Variants in MRPL22 observed in about 807,000 individuals in gnomAD.
MRPL22 encodes large ribosomal subunit protein uL22m.
Under a neutral mutation model 32.4 loss-of-function variants are expected in MRPL22, and 27 were observed. That is an observed-to-expected ratio of 0.83 (90% confidence interval 0.61 to 1.15). The LOEUF is 1.15. Among genes scored for constraint, MRPL22 ranks in the 50% most tolerant of loss-of-function variants. MRPL22 has a pLI of 0.00. For missense variants in MRPL22, 239 were observed against 260.2 expected, an observed-to-expected ratio of 0.92 and a Z score of 0.56; for synonymous variants, 86 against 87.3, an observed-to-expected ratio of 0.99 and a Z score of 0.08.
intron 3 of MRPL22, among the ~76,000 whole-genome samples, chr5:154,953,051 A>T (rs1396706283): frequency 6.6e-6 from 1 of 152,132 alleles, no homozygotes; most frequent in African/African-American, 2.4e-5. Flanking sequence ...TTTATCTTAT[A>T]TGGGGCTTCA....
chr5:154,954,179 G>A (rs942246776), intron 3 of MRPL22, among the ~76,000 whole-genome samples: 5 of 151,562 alleles, frequency 3.3e-5, no homozygotes, highest in African/African-American at 4.9e-5. Context: ...TAGTAGAGAC[G>A]AGTTTTTGTC....
Position 154,956,446 on chromosome 5 carries a change from A to G in MRPL22, c.261+10A>G, listed in dbSNP as rs554614548. The G allele has an allele frequency of 1.1e-5, 18 of 1,570,546 alleles. No homozygotes were observed. In the Admixed American group the frequency reaches 1.8e-4, roughly 16 times the overall value. On this transcript the variant is annotated intron_variant, in intron 4 of 6. Transcript: ENST00000523037. ...GTATTTGGCAAAATTGGTAAGCTGC[A>G]ATGACTATTACCATATAATTAATAA...
At position 154,941,265 on chromosome 5, in the gene MRPL22, G is replaced by T. The variant is rs1764410945; in HGVS notation, c.77G>T (p.Gly26Val). ...AGGAGCCGGGGGAAGCTGGCCTTGG[G>T]GTGAGTCTCTCGCTTCGGAGTTTCG... ...NLRSRGKLAL[G>V]VLPQSYIHTS... The change falls in exon 2 of 7, where the codon GGT becomes GTT. Residue 26 changes from glycine to valine, a missense_variant and splice_region_variant. By Grantham distance (109) the Gly-to-Val change is moderately radical. Coordinates refer to ENST00000523037, the MANE Select transcript of MRPL22 (RefSeq NM_014180.4). The T allele has an allele frequency of 1.2e-6, 2 of 1,612,846 alleles. No individual in the cohort carries two copies. Among genetic ancestry groups the T allele is most frequent in the East Asian group, 2.2e-5 (1 of 44,892 alleles).
chr5:154,944,119 G>A (rs1764457284), intron 2 of MRPL22, among the ~76,000 whole-genome samples: 1 of 152,092 alleles, frequency 6.6e-6, no homozygotes, highest in South Asian at 2.1e-4. Flanking sequence ...CGCCATACCT[G>A]GCTAAGTTTT....
In MRPL22 at chr5:154,950,875, A is replaced by G. The variant is rs758993100; in HGVS notation, c.132A>G (p.Lys44=). Residue 44 remains lysine, a synonymous_variant, in exon 3 of 7, where the codon AAA becomes AAG. Coordinates refer to ENST00000523037, the MANE Select transcript of MRPL22 (RefSeq NM_014180.4). ...GTGCTTCTCTTGACATTTCTCGAAA[A>G]TGGGAGAAGAAGAATAAAATTGTTT... ...HTSASLDISR[K]WEKKNKIVYP... is the part of the protein sequence containing the mutation. 1.5e-5 allele frequency: 24 copies of G among 1,613,838 alleles called. No individual in the cohort carries two copies. In the East Asian group the frequency reaches 5.1e-4, roughly 34 times the overall value.
chr5:154,956,941 T>C (rs1582692648), intron 4 of MRPL22, 194 bp from the exon 5 acceptor site: 1 of 548,764 alleles, frequency 1.8e-6, no homozygotes, highest in Admixed American at 3.2e-5. Context: ...ATCTCAGTTT[T>C]ATGGTTAAAA....
intron 6 of MRPL22, 77 bp downstream of exon 6, chr5:154,960,126 T>C (rs763484240): frequency 4.0e-5 from 42 of 1,061,044 alleles, no homozygotes; most frequent in Non-Finnish European, 5.5e-5. Flanking sequence ...CAACAGTCTT[T>C]AATATCTAAC....
chr5:154,953,511 A>G (rs1485172421), intron 3 of MRPL22, among the ~76,000 whole-genome samples: 1 of 151,834 alleles, frequency 6.6e-6, no homozygotes, highest in Non-Finnish European at 1.5e-5. Context: ...TGAAAAGTGT[A>G]ATGAGACTGG....
At position 154,966,921 on chromosome 5, in the gene MRPL22, G is replaced by A. The variant is rs767907808; in HGVS notation, c.*24G>A. 14 of 1,557,346 alleles carry A rather than the reference G, an allele frequency of 9.0e-6. No homozygotes were observed. The South Asian group carries it at 1.7e-4, about 18-fold the overall frequency. ...GATGAGGAGATTCAGACTCCACAGT[G>A]TATATATTTTGCCATTTATTTTCTA... On this transcript the variant is annotated 3_prime_UTR_variant, in exon 7 of 7. Coordinates refer to ENST00000523037, the MANE Select transcript of MRPL22 (RefSeq NM_014180.4).
intron 6 of MRPL22, among the ~76,000 whole-genome samples, chr5:154,966,197 G>A (rs936012363): frequency 1.3e-5 from 2 of 152,102 alleles, no homozygotes; most frequent in Non-Finnish European, 2.9e-5. Flanking sequence ...AACAAGCCGA[G>A]TGCATTCCCA....
chr5:154,952,042 C>T (rs925919644), intron 3 of MRPL22, among the ~76,000 whole-genome samples: 10 of 151,902 alleles, frequency 6.6e-5, no homozygotes, highest in East Asian at 1.9e-4. Context: ...GCCACCATCC[C>T]GGCTAATTTT....
At chr5:154,951,525 T>C (rs1764561488) in intron 3 of MRPL22, among the ~76,000 whole-genome samples, 1 of 151,978 alleles carries the variant, frequency 6.6e-6, no homozygotes, top group South Asian at 2.1e-4. Flanking sequence ...CTCCATTTTG[T>C]TTATTTTATT....
chr5:154,964,766 C>T lies in MRPL22; in HGVS notation c.410-1920C>T, dbSNP rs116085872. Among the ~76,000 whole-genome samples, 1,239 of 152,030 alleles carry T rather than the reference C, an allele frequency of 8.1e-3. 9 individuals are homozygous for T. Among genetic ancestry groups the T allele is most frequent in the African/African-American group, 0.029 (1,190 of 41,462 alleles). On this transcript the variant is annotated intron_variant, in intron 6 of 6. Coordinates refer to ENST00000523037, the MANE Select transcript of MRPL22 (RefSeq NM_014180.4). ...GAGATAGAAGGGAAATGGGAGCCGACGTAGACCGTGATGGGGTTGATCATT... is the reference window on the plus strand; with the variant it reads ...GAGATAGAAGGGAAATGGGAGCCGATGTAGACCGTGATGGGGTTGATCATT...
chr5:154,966,779 A>G lies in MRPL22; in HGVS notation c.503A>G (p.Tyr168Cys). The G allele has an allele frequency of 1.9e-6, 3 of 1,614,132 alleles. No homozygotes were observed. Among genetic ancestry groups the G allele is most frequent in the Non-Finnish European group, 2.5e-6 (3 of 1,180,022 alleles). ...FGIMEKVYCHYFVKLVEGPPP... is the reference protein window; with the variant it reads ...FGIMEKVYCHCFVKLVEGPPP... ...ATCATGGAGAAGGTTTATTGCCATT[A>G]TTTTGTGAAGTTGGTGGAAGGGCCC... The change falls in exon 7 of 7, where the codon TAT (tyrosine) becomes TGT (cysteine). Residue 168 changes from tyrosine (Y) to cysteine (C), a missense_variant. Tyr to Cys is a radical substitution (Grantham distance 194, BLOSUM62 -2). Coordinates refer to ENST00000523037, the MANE Select transcript of MRPL22 (RefSeq NM_014180.4).
rs1764781572 is a variant in MRPL22, at chr5:154,967,153, G to GT, written c.*257dup. 4.5e-6 allele frequency: 2 copies of GT among 446,042 alleles called. No individual in the cohort carries two copies. Among genetic ancestry groups the GT allele is most frequent in the Non-Finnish European group, 8.0e-6 (2 of 251,004 alleles). 27.6% of individuals were successfully genotyped at this position (446,042 alleles called of 1,614,324 possible). ...GACTATATTTCAAAAGGCTTTTGGA[G>GT]TAACTTTGAAAGGGAATGTTAACTT... On this transcript the variant is annotated 3_prime_UTR_variant, in exon 7 of 7. Coordinates refer to ENST00000523037, the MANE Select transcript of MRPL22 (RefSeq NM_014180.4). The surrounding 1 kb of genome is among the most constrained non-coding windows in gnomAD (Gnocchi z 4.7).
intron 3 of MRPL22, chr5:154,956,139 T>C (rs1764625932): frequency 1.6e-5 from 7 of 437,560 alleles, no homozygotes. Flanking sequence ...AACCAGCCAT[T>C]GTATAGTTTC....
At chr5:154,954,347 T>A (rs1190451195) in intron 3 of MRPL22, among the ~76,000 whole-genome samples, 2 of 152,216 alleles carry the variant, frequency 1.3e-5, no homozygotes, top group African/African-American at 4.8e-5. Context: ...CATTTAAAAA[T>A]AAATTGATTT....
chr5:154,946,172 C>T (rs1764488247), intron 2 of MRPL22, among the ~76,000 whole-genome samples: 1 of 152,134 alleles, frequency 6.6e-6, no homozygotes, highest in South Asian at 2.1e-4. Context: ...ATGGGCCTGA[C>T]TCAAGAAATC....
chr5:154,966,412 A>G (rs1764767157), intron 6 of MRPL22, among the ~76,000 whole-genome samples: 1 of 152,216 alleles, frequency 6.6e-6, no homozygotes, highest in Admixed American at 6.5e-5. Flanking sequence ...AGCTGAAATT[A>G]TCATTTTATT....
Sources: allele counts gnomAD v4.1 joint callset (sites outside exome capture counted in the v4.1 genomes callset), GRCh38; gene constraint gnomAD v4.1.1; non-coding constraint Gnocchi (gnomAD v3.1); transcripts MANE v1.5; gene names NCBI Gene and HGNC (gene_info 2026-07-23, HGNC 2026-07-21).